The following VASH2 variants were observed in gnomAD, a reference collection of about 807,000 sequenced individuals.
VASH2 encodes the protein vasohibin 2, also known as tubulinyl-Tyr carboxypeptidase 2.
VASH2 carries 28 observed loss-of-function variants against 37.2 expected under a neutral mutation model. The ratio of observed to expected loss-of-function variants is 0.75; its 90% CI spans 0.56 to 1.03. The LOEUF (loss-of-function observed/expected upper bound fraction) is 1.03, where lower values mean the gene tolerates loss of function less well. Among genes scored for constraint, VASH2 ranks in the 50% least tolerant of loss-of-function variants. The pLI is 0.00. For synonymous variants in VASH2, 188 were observed against 174.7 expected, an observed-to-expected ratio of 1.08 and a Z score of -0.60; for missense variants, 419 against 459.1, an observed-to-expected ratio of 0.91 and a Z score of 0.80.
chr1:212,954,779 T>C (rs3010777), intron 2 of VASH2, among the ~76,000 whole-genome samples: 96,695 of 152,066 alleles, frequency 0.64, 31,129 homozygotes, highest in African/African-American at 0.73. Context: ...ACTAGAAGGT[T>C]ACGCGAAAAC....
intron 2 of VASH2, 118 bp from the exon 3 acceptor site, chr1:212,961,048 G>A: frequency 4.3e-6 from 4 of 934,288 alleles, no homozygotes; most frequent in Non-Finnish European, 6.7e-6. Context: ...TGACCATGCT[G>A]CCATCGGCTC....
At chr1:212,967,438 C>G in intron 5 of VASH2, 1 of 1,174,320 alleles carries the variant, frequency 8.5e-7, no homozygotes, top group South Asian at 1.7e-5. Context: ...CTGTAAGGGA[C>G]AGTGGAAAAG....
At position 212,988,838 on chromosome 1, in the gene VASH2, C is replaced by T. The variant is rs578019299; in HGVS notation, c.*254C>T. The T allele has an allele frequency of 1.5e-4, 67 of 446,708 alleles. No homozygotes were observed. The highest frequency in any genetic ancestry group is 6.8e-4 in the African/African-American group (35 of 51,134). 27.7% of individuals were successfully genotyped at this position (446,708 alleles called of 1,614,324 possible). On this transcript the variant is annotated 3_prime_UTR_variant, in exon 8 of 8. Transcript: ENST00000517399. ...CCTCACTCAAGATCTTAAGGATAAC[C>T]GTAACTGAAGTTTTATATTTTTCCA... is the stretch of plus-strand genomic sequence containing the variant.
chr1:212,980,152 C>T (rs1409022088), intron 7 of VASH2, among the ~76,000 whole-genome samples: 2 of 152,332 alleles, frequency 1.3e-5, no homozygotes, highest in East Asian at 1.9e-4. Context: ...ATGCCAACAG[C>T]GCCCTCACTG....
In VASH2 at chr1:212,951,462, C is replaced by A. The variant is rs1330552101; in HGVS notation, c.-81C>A. On this transcript the variant is annotated 5_prime_UTR_variant, in exon 2 of 8. Coordinates refer to ENST00000517399, the MANE Select transcript of VASH2 (RefSeq NM_001301056.2). The surrounding 1 kb of genome is among the most constrained non-coding windows in gnomAD (Gnocchi z 4.4). ...GGGGCGCTGATCCCCTCGCCGCGCC[C>A]GCGCGCACACGCCCCCCGCCGCCGC... 2.3e-6 allele frequency: 2 copies of A among 879,478 alleles called. No homozygotes were observed. The highest frequency in any genetic ancestry group is 1.8e-5 in the African/African-American group (1 of 55,586). The allele number at this position is 879,478 out of a possible 1,614,324, so 54.5% of individuals were successfully genotyped here. A position where few individuals can be genotyped will look rare whatever the true frequency, so the allele number is the denominator to read the frequency against.
chr1:212,985,122 A>G (rs2102661697), intron 7 of VASH2, among the ~76,000 whole-genome samples: 1 of 151,618 alleles, frequency 6.6e-6, no homozygotes, highest in East Asian at 1.9e-4. Context: ...CCTAGGTTCA[A>G]GCGATCCTCC....
intron 7 of VASH2, among the ~76,000 whole-genome samples, chr1:212,979,366 C>G (rs780832683): frequency 1.3e-5 from 2 of 152,204 alleles, no homozygotes; most frequent in Non-Finnish European, 2.9e-5. Context: ...GTGACTCTGT[C>G]CCTGTGCTAT....
At chr1:212,987,078 G>A (rs1161158888) in intron 7 of VASH2, among the ~76,000 whole-genome samples, 1 of 151,936 alleles carries the variant, frequency 6.6e-6, no homozygotes, top group African/African-American at 2.4e-5. Flanking sequence ...GGAATTGCTG[G>A]CAGAGATTAA....
chr1:212,961,365 G>C, intron 3 of VASH2, 111 bp downstream of exon 3: 1 of 1,579,024 alleles, frequency 6.3e-7, no homozygotes. Flanking sequence ...TCTAAGGTTG[G>C]TGAGGCCAGG....
intron 7 of VASH2, 22 bp from the exon 8 acceptor site, chr1:212,988,487 CCAT>C (rs772466498): frequency 1.2e-6 from 2 of 1,613,054 alleles, no homozygotes; most frequent in South Asian, 2.2e-5. Context: ...CTCTCCTCCA[CCAT>C]ATTTCTGTCT....
At chr1:212,953,929 A>G (rs1303790215) in intron 2 of VASH2, among the ~76,000 whole-genome samples, 2 of 151,524 alleles carry the variant, frequency 1.3e-5, no homozygotes, top group African/African-American at 4.9e-5. Flanking sequence ...CTTATTTTGG[A>G]GACAAGGCCT....
chr1:212,972,712 C>G lies in VASH2; in HGVS notation c.630C>G (p.Ser210Arg). The change falls in exon 6 of 8, where the codon AGC (serine) becomes AGG (arginine). Residue 210 changes from serine (S) to arginine (R), a missense_variant. Around this residue, in one of 3 missense-constraint regions of VASH2, gnomAD observed 84 missense variants for 129.9 expected, o/e 0.65. Coordinates refer to ENST00000517399, the MANE Select transcript of VASH2 (RefSeq NM_001301056.2). ...CNGRYGSLGM[S>R]RRAELMDKPL... ...GCCGCTATGGCTCATTGGGCATGAGCCGCAGGGCTGAGCTGATGGACAAGC... is the reference window on the plus strand; with the variant it reads ...GCCGCTATGGCTCATTGGGCATGAGGCGCAGGGCTGAGCTGATGGACAAGC... 1.2e-6 allele frequency: 2 copies of G among 1,614,214 alleles called. No homozygotes were observed. The highest frequency in any genetic ancestry group is 1.1e-5 in the South Asian group (1 of 91,082).
chr1:212,987,498 G>A (rs551347686), intron 7 of VASH2, among the ~76,000 whole-genome samples: 1 of 152,176 alleles, frequency 6.6e-6, no homozygotes, highest in South Asian at 2.1e-4. Flanking sequence ...CACTTGAACT[G>A]GGGAGGCAGA....
At chr1:212,981,205 G>A (rs1489324784) in intron 7 of VASH2, among the ~76,000 whole-genome samples, 1 of 152,218 alleles carries the variant, frequency 6.6e-6, no homozygotes, top group African/African-American at 2.4e-5. Flanking sequence ...TCAAAGGGAT[G>A]GGCACCGGCT....
chr1:212,989,729 C>T lies in VASH2; in HGVS notation c.*1145C>T, dbSNP rs2075838428. ...AAAATATAAAGAATTAGAAAAGCAG[C>T]ACTTTTTTTTTAATGGAAAAGTCTT... On this transcript the variant is annotated 3_prime_UTR_variant, in exon 8 of 8. Transcript: ENST00000517399. 6.6e-6 allele frequency: 1 copy of T among 152,060 alleles called. No homozygotes were observed. The highest frequency in any genetic ancestry group is 2.1e-4 in the South Asian group (1 of 4,832). The allele number at this position is 152,060 out of a possible 1,614,324, so 9.4% of individuals were successfully genotyped here. A position where few individuals can be genotyped will look rare whatever the true frequency, so the allele number is the denominator to read the frequency against.
rs547181085 is a variant in VASH2 at position 212,971,495 on chromosome 1, GTGTT to G, written c.498-1081_498-1078del. Among the ~76,000 whole-genome samples, 590 of 152,344 alleles carry G rather than the reference GTGTT, an allele frequency of 3.9e-3. 2 individuals carry two copies. Among genetic ancestry groups the G allele is most frequent in the Non-Finnish European group, 6.6e-3 (448 of 68,036 alleles). ...CGGGCACAGCAGACACTCAGGGTAA[GTGTT>G]TGTCACACTGACTTAAGCAGCTAAG... On this transcript the variant is annotated intron_variant, in intron 5 of 7. Transcript: ENST00000517399. This position sits in a 1 kb window ranked among gnomAD's most constrained non-coding sequence, Gnocchi z 4.0.
chr1:212,964,678 T>A (rs1166565311), intron 3 of VASH2, among the ~76,000 whole-genome samples: 1 of 152,086 alleles, frequency 6.6e-6, no homozygotes, highest in Admixed American at 6.6e-5. Context: ...AGCATAGGCA[T>A]GAAAAAAAGT....
chr1:212,967,828 A>C (rs1304419104), intron 5 of VASH2: 1 of 153,532 alleles, frequency 6.5e-6, no homozygotes, highest in Non-Finnish European at 1.4e-5. Flanking sequence ...GAAGGAGTCA[A>C]CGTCTCCAGG....
At chr1:212,970,107 T>C (rs1035000797) in intron 5 of VASH2, among the ~76,000 whole-genome samples, 1 of 152,146 alleles carries the variant, frequency 6.6e-6, no homozygotes, top group African/African-American at 2.4e-5. Context: ...AAGAAACAGG[T>C]TCATTATGAG....
Sources: allele counts gnomAD v4.1 joint callset (sites outside exome capture counted in the v4.1 genomes callset), GRCh38; gene constraint gnomAD v4.1.1; regional missense constraint gnomAD v4.1.1; non-coding constraint Gnocchi (gnomAD v3.1); transcripts MANE v1.5; gene names NCBI Gene and HGNC (gene_info 2026-07-23, HGNC 2026-07-21).